Variants in FARS2 observed in about 807,000 individuals in gnomAD.
The protein encoded by FARS2 is phenylalanine--tRNA ligase, mitochondrial.
A neutral mutation model predicts 46.4 loss-of-function variants in FARS2; 40 were observed. The observed-to-expected ratio is 0.86, with a 90% CI of 0.67 to 1.12. The LOEUF (loss-of-function observed/expected upper bound fraction) is 1.12. Among genes scored for constraint, FARS2 ranks in the 50% most tolerant of loss-of-function variants. The pLI is 0.00. For synonymous variants in FARS2, 234 were observed against 214.9 expected, an observed-to-expected ratio of 1.09 and a Z score of -0.78; for missense variants, 513 against 567.9, an observed-to-expected ratio of 0.90 and a Z score of 0.98.
At chr6:5,758,620 T>C (rs1221883059) in intron 6 of FARS2, among the ~76,000 whole-genome samples, 2 of 152,220 alleles carry the variant, frequency 1.3e-5, no homozygotes, top group Non-Finnish European at 2.9e-5. Flanking sequence ...CTTTACGCTC[T>C]GCAGAGCAAG....
intron 5 of FARS2, among the ~76,000 whole-genome samples, chr6:5,564,886 C>A (rs1470706680): frequency 6.6e-6 from 1 of 152,156 alleles, no homozygotes; most frequent in Non-Finnish European, 1.5e-5. Context: ...TGTGCGGGGA[C>A]TGTGCAGACA....
At chr6:5,637,411 CCGTGCAG>C (rs1411575011) in intron 6 of FARS2, among the ~76,000 whole-genome samples, 1 of 152,228 alleles carries the variant, frequency 6.6e-6, no homozygotes, top group Non-Finnish European at 1.5e-5. Flanking sequence ...CACCCATGAC[CCGTGCAG>C]CGTTCCTGGC....
intron 4 of FARS2, among the ~76,000 whole-genome samples, chr6:5,478,875 G>A (rs1473919091): frequency 1.3e-5 from 2 of 152,170 alleles, no homozygotes; most frequent in Non-Finnish European, 2.9e-5. Flanking sequence ...AGGAGAGAGT[G>A]CTCAGGCCTG....
At chr6:5,707,881 T>C (rs192506075) in intron 6 of FARS2, among the ~76,000 whole-genome samples, 53 of 152,106 alleles carry the variant, frequency 3.5e-4, no homozygotes, top group African/African-American at 1.2e-3. Flanking sequence ...AAGGCCGGAG[T>C]TGAACAAGCA....
At chr6:5,542,701 A>T (rs1461341924) in intron 4 of FARS2, among the ~76,000 whole-genome samples, 1 of 152,174 alleles carries the variant, frequency 6.6e-6, no homozygotes, top group African/African-American at 2.4e-5. Context: ...AAAACTACCA[A>T]ACTGTTTTTG....
intron 5 of FARS2, among the ~76,000 whole-genome samples, chr6:5,568,130 C>A (rs1463219957): frequency 6.6e-6 from 1 of 152,196 alleles, no homozygotes; most frequent in Non-Finnish European, 1.5e-5. Flanking sequence ...CTCTGTCCTT[C>A]CCCCTTTCTG....
intron 1 of FARS2, among the ~76,000 whole-genome samples, chr6:5,312,538 T>C (rs1460703028): frequency 6.6e-6 from 1 of 152,198 alleles, no homozygotes; most frequent in African/African-American, 2.4e-5. Flanking sequence ...AAGATTTAAC[T>C]CATCTCTAGC....
At chr6:5,280,383 A>T (rs1766636808) in intron 1 of FARS2, among the ~76,000 whole-genome samples, 1 of 152,238 alleles carries the variant, frequency 6.6e-6, no homozygotes. Context: ...TTGGTGCTTC[A>T]AGAGATGCGA....
intron 1 of FARS2, among the ~76,000 whole-genome samples, chr6:5,286,707 A>T (rs569060868): frequency 6.6e-6 from 1 of 152,362 alleles, no homozygotes; most frequent in Admixed American, 6.5e-5. Flanking sequence ...TACATGTATG[A>T]TATGGGTACC....
At chr6:5,751,390 A>C (rs1761938622) in intron 6 of FARS2, among the ~76,000 whole-genome samples, 1 of 152,192 alleles carries the variant, frequency 6.6e-6, no homozygotes, top group African/African-American at 2.4e-5. Context: ...CAAGCAGTAG[A>C]CACCATTTTC....
In FARS2 at chr6:5,545,339, A is replaced by G. The variant is rs775918126; in HGVS notation, c.1064A>G (p.Gln355Arg). 2.5e-6 allele frequency: 4 copies of G among 1,612,744 alleles called. No individual in the cohort carries two copies. The Admixed American group carries it at 6.7e-5, about 27-fold the overall frequency. Residue 355 changes from glutamine (Q) to arginine (R), a missense_variant and splice_region_variant, in exon 5 of 7, where the codon CAG becomes CGG. By Grantham distance (43) the Gln-to-Arg change is conservative (BLOSUM62 1). Transcript: ENST00000274680. Reference protein sequence around the residue: ...VSNINQKVKFQPLSKYPAVIN... With the variant: ...VSNINQKVKFRPLSKYPAVIN... ...AACATTAATCAGAAGGTGAAGTTTCAGGTAAGATGACTTGCAAGAACTGAA... is the reference window on the plus strand; with the variant it reads ...AACATTAATCAGAAGGTGAAGTTTCGGGTAAGATGACTTGCAAGAACTGAA...
intron 1 of FARS2, among the ~76,000 whole-genome samples, chr6:5,341,555 G>T (rs990461453): frequency 6.6e-6 from 1 of 151,426 alleles, no homozygotes; most frequent in Non-Finnish European, 1.5e-5. Flanking sequence ...GTCTCGCTCT[G>T]TTGCCCAGGC....
At chr6:5,705,847 A>C (rs557949792) in intron 6 of FARS2, among the ~76,000 whole-genome samples, 2 of 152,238 alleles carry the variant, frequency 1.3e-5, no homozygotes, top group East Asian at 3.9e-4. Flanking sequence ...AACCGCACAC[A>C]CAAAGCCACC....
chr6:5,257,232 T>C (rs1764720072), upstream of FARS2, among the ~76,000 whole-genome samples: 1 of 152,028 alleles, frequency 6.6e-6, no homozygotes, highest in Non-Finnish European at 1.5e-5. Flanking sequence ...CTCTCCAACC[T>C]CAGTGCCTTC....
At chr6:5,587,894 T>A (rs1162590918) in intron 5 of FARS2, among the ~76,000 whole-genome samples, 3 of 152,188 alleles carry the variant, frequency 2.0e-5, no homozygotes, top group Non-Finnish European at 2.9e-5. Context: ...GGTTGTTAAA[T>A]AAGGTAATAT....
intron 2 of FARS2, among the ~76,000 whole-genome samples, chr6:5,388,386 A>G (rs559641460): frequency 6.6e-6 from 1 of 152,330 alleles, no homozygotes; most frequent in East Asian, 1.9e-4. Flanking sequence ...ATGCAATTTG[A>G]CACAAATCTT....
chr6:5,250,149 C>T, the FARS2 span, among the ~76,000 whole-genome samples: 1 of 152,040 alleles, frequency 6.6e-6, no homozygotes, highest in Non-Finnish European at 1.5e-5. Context: ...TTTATTTTCT[C>T]ATTGCTTTGA....
chr6:5,297,445 C>T (rs1767970262), intron 1 of FARS2, among the ~76,000 whole-genome samples: 1 of 152,154 alleles, frequency 6.6e-6, no homozygotes, highest in Non-Finnish European at 1.5e-5. Flanking sequence ...GTCAGGAGTT[C>T]GAAACCAGCC....
intron 6 of FARS2, among the ~76,000 whole-genome samples, chr6:5,693,780 C>G (rs910477276): frequency 6.6e-6 from 1 of 152,156 alleles, no homozygotes; most frequent in Non-Finnish European, 1.5e-5. Flanking sequence ...CTGGGACTTG[C>G]TGGGGTGATG....
Sources: allele counts gnomAD v4.1 joint callset (sites outside exome capture counted in the v4.1 genomes callset), GRCh38; gene constraint gnomAD v4.1.1; transcripts MANE v1.5; gene names NCBI Gene and HGNC (gene_info 2026-07-23, HGNC 2026-07-21).